Variants in ALB observed in about 807,000 individuals in gnomAD.
ALB encodes serum albumin.
In ALB, 37 loss-of-function variants were observed where a neutral mutation model predicts 74.5. That is an observed-to-expected ratio of 0.50 (90% CI 0.38 to 0.65). The LOEUF (loss-of-function observed/expected upper bound fraction) is 0.65. Ranked by LOEUF, ALB falls within the 30% of genes least tolerant of loss-of-function variation. ALB has a pLI of 0.00. For synonymous variants in ALB, 249 were observed against 251.6 expected, an observed-to-expected ratio of 0.99 and a Z score of 0.10; for missense variants, 685 against 718.7, an observed-to-expected ratio of 0.95 and a Z score of 0.54.
chr4:73,404,954 A>T (rs1191639086), intron 1 of ALB, 162 bp from the exon 2 acceptor site: 1 of 664,620 alleles, frequency 1.5e-6, no homozygotes, highest in African/African-American at 1.8e-5. Flanking sequence ...AAGGCAGAAG[A>T]AATAATTGAA....
At position 73,413,611 on chromosome 4, in the gene ALB, G is replaced by A. The variant is rs1419194165; in HGVS notation, c.1035G>A (p.Glu345=). ...AGGATGTTTGCAAAAACTATGCTGA[G>A]GCAAAGGATGTCTTCCTGGGCATGT... ...ESKDVCKNYA[E]AKDVFLGMFL... is the part of the protein sequence containing the mutation. Residue 345 remains glutamate, a synonymous_variant, in exon 8 of 15, where the codon GAG becomes GAA. Coordinates refer to ENST00000295897, the MANE Select transcript of ALB (RefSeq NM_000477.7). 6.2e-7 allele frequency: 1 copy of A among 1,614,036 alleles called. No individual in the cohort carries two copies. The highest frequency in any genetic ancestry group is 1.7e-5 in the Admixed American group (1 of 60,016).
chr4:73,408,893 A>C, intron 4 of ALB, 88 bp downstream of exon 4: 1 of 1,179,948 alleles, frequency 8.5e-7, no homozygotes, highest in South Asian at 1.5e-5. Flanking sequence ...CATAACAAAA[A>C]TATTTTCAAC....
intron 10 of ALB, among the ~76,000 whole-genome samples, chr4:73,416,965 A>G (rs561063506): frequency 5.0e-4 from 76 of 152,324 alleles, no homozygotes; most frequent in South Asian, 3.9e-3. Flanking sequence ...GCTCATACAC[A>G]TGGTGCTCTT....
At position 73,411,213 on chromosome 4, in the gene ALB, T is replaced by C. The variant is rs114861175; in HGVS notation, c.714-783T>C. On this transcript the variant is annotated intron_variant, in intron 6 of 14. Coordinates refer to ENST00000295897, the MANE Select transcript of ALB (RefSeq NM_000477.7). ...GTATTTGCTCATCATTCCTACCATC[T>C]ACACCACCAAAATCAACCAAATTTA... is the stretch of plus-strand genomic sequence containing the variant. 3.4e-3 allele frequency among the ~76,000 whole-genome samples: 507 copies of C among 148,974 alleles called. 3 individuals are homozygous for C. The highest frequency in any genetic ancestry group is 0.012 in the African/African-American group (491 of 40,300).
intron 2 of ALB, among the ~76,000 whole-genome samples, chr4:73,406,349 T>C (rs1718728134): frequency 6.6e-6 from 1 of 152,224 alleles, no homozygotes; most frequent in South Asian, 2.1e-4. Context: ...TTAGATCTAT[T>C]TGGCATACAA....
Position 73,408,633 on chromosome 4 carries a change from C to G in ALB, c.310C>G (p.Leu104Val). 1 of 1,614,034 alleles carries G rather than the reference C, an allele frequency of 6.2e-7. No individual in the cohort carries two copies. The change falls in exon 4 of 15, where the codon CTT (leucine) becomes GTT (valine). Residue 104 changes from leucine (L) to valine (V), a missense_variant. By Grantham distance (32) the Leu-to-Val change is conservative. Coordinates refer to ENST00000295897, the MANE Select transcript of ALB (RefSeq NM_000477.7). ...FGDKLCTVAT[L>V]RETYGEMADC... ...AGACAAATTATGCACAGTTGCAACT[C>G]TTCGTGAAACCTATGGTGAAATGGC...
At chr4:73,411,079 C>A (rs978273922) in intron 6 of ALB, among the ~76,000 whole-genome samples, 2 of 152,022 alleles carry the variant, frequency 1.3e-5, no homozygotes, top group Admixed American at 1.3e-4. Flanking sequence ...TACTAGCTGC[C>A]CCGTCACCCA....
Position 73,421,104 on chromosome 4 carries a change from A to G in ALB, c.*36A>G. On this transcript the variant is annotated 3_prime_UTR_variant, in exon 15 of 15. Coordinates refer to ENST00000295897, the MANE Select transcript of ALB (RefSeq NM_000477.7). ...TTTTGTTTTTCAGCCTACCATGAGA[A>G]TAAGAGAAAGAAAATGAAGATCAAA... 1 of 693,886 alleles carries G rather than the reference A, an allele frequency of 1.4e-6. No individual in the cohort carries two copies. The allele number at this position is 693,886 out of a possible 1,614,324, so 43.0% of individuals were successfully genotyped here. A position where few individuals can be genotyped will look rare whatever the true frequency, so the allele number is the denominator to read the frequency against.
intron 7 of ALB, 149 bp from the exon 8 acceptor site, chr4:73,413,271 G>A: frequency 2.6e-6 from 2 of 768,080 alleles, no homozygotes; most frequent in East Asian, 2.7e-5. Context: ...ACATCTCCAG[G>A]TTTAGGAGCA....
At chr4:73,410,601 C>T (rs1718849968) in intron 6 of ALB, among the ~76,000 whole-genome samples, 192 bp downstream of exon 6, 2 of 152,012 alleles carry the variant, frequency 1.3e-5, no homozygotes, top group South Asian at 4.2e-4. Flanking sequence ...TTAATCTTTT[C>T]TTTTCTAAAT....
In ALB at chr4:73,406,847, A is replaced by G. The variant is rs1362914020; in HGVS notation, c.270+86A>G. On this transcript the variant is annotated intron_variant, in intron 3 of 14. Coordinates refer to ENST00000295897, the MANE Select transcript of ALB (RefSeq NM_000477.7). The stretch of plus-strand genomic sequence containing the variant: ...AAGGAATTTTTTTTAAGTTTTCTCA[A>G]TTATTATTAAGTGTCCTGATTTGTA... The G allele has an allele frequency of 2.7e-6, 4 of 1,494,680 alleles. No homozygotes were observed. In the African/African-American group the frequency reaches 4.2e-5, roughly 16 times the overall value. 92.6% of individuals were successfully genotyped at this position (1,494,680 alleles called of 1,614,324 possible).
chr4:73,417,705 A>G, intron 11 of ALB, 36 bp downstream of exon 11: 1 of 1,485,796 alleles, frequency 6.7e-7, no homozygotes, highest in Non-Finnish European at 9.0e-7. Flanking sequence ...ATTAATAATG[A>G]AAAAATTTTA....
chr4:73,420,148 G>T, intron 13 of ALB, 106 bp from the exon 14 acceptor site: 1 of 948,914 alleles, frequency 1.1e-6, no homozygotes, highest in Non-Finnish European at 1.7e-6. Flanking sequence ...AGGATATGAT[G>T]CACGTGAAAT....
chr4:73,417,717 C>T (rs1362177133), intron 11 of ALB, 48 bp downstream of exon 11: 3 of 1,445,672 alleles, frequency 2.1e-6, no homozygotes, highest in Middle Eastern at 4.1e-4. Flanking sequence ...AAAATTTTAC[C>T]TTTAGATATT....
intron 7 of ALB, among the ~76,000 whole-genome samples, chr4:73,412,418 C>T (rs536475069): frequency 6.6e-6 from 1 of 152,280 alleles, no homozygotes; most frequent in East Asian, 1.9e-4. Context: ...CTTGGCAGAA[C>T]ATCTTGCAAG....
intron 8 of ALB, 111 bp from the exon 9 acceptor site, chr4:73,414,924 G>A: frequency 1.5e-6 from 2 of 1,359,244 alleles, no homozygotes; most frequent in Admixed American, 3.4e-5. Flanking sequence ...TACTGCATGG[G>A]GTTTAGTCAA....
At chr4:73,410,528 T>G (rs1718847903) in intron 6 of ALB, 119 bp downstream of exon 6, 2 of 747,214 alleles carry the variant, frequency 2.7e-6, no homozygotes, top group Non-Finnish European at 4.8e-6. Context: ...TCTTTGGTTG[T>G]CTAACAGGTA....
intron 2 of ALB, among the ~76,000 whole-genome samples, chr4:73,406,111 A>C (rs1032425567): frequency 6.6e-5 from 10 of 151,908 alleles, no homozygotes; most frequent in African/African-American, 2.4e-4. Context: ...ACAAACAAAA[A>C]AATTAGGCAT....
chr4:73,406,246 G>C (rs1340878638), intron 2 of ALB, among the ~76,000 whole-genome samples: 1 of 152,152 alleles, frequency 6.6e-6, no homozygotes, highest in Non-Finnish European at 1.5e-5. Flanking sequence ...GTGACAGAGT[G>C]AGACTCTGTC....
Sources: gnomAD v4.1 joint callset for allele counts (sites outside exome capture counted in the v4.1 genomes callset) on GRCh38, gnomAD v4.1.1 for gene constraint, MANE v1.5 for transcripts, NCBI Gene and HGNC (gene_info 2026-07-23, HGNC 2026-07-21) for gene names.